Variants in ZBED6 observed in about 807,000 individuals in gnomAD.
The protein encoded by ZBED6 is zinc finger BED-type containing 6.
A neutral mutation model predicts 58.4 loss-of-function variants in ZBED6; 40 were observed. The observed-to-expected ratio is 0.68, with a 90% CI of 0.53 to 0.89. ZBED6 has a LOEUF of 0.89. Among genes scored for constraint, ZBED6 ranks in the 40% least tolerant of loss-of-function variants. The probability of loss-of-function intolerance (pLI) is 0.00; values close to 1 mark genes in which losing one functional copy is unlikely to be tolerated. For synonymous variants in ZBED6, 439 were observed against 350.6 expected, an observed-to-expected ratio of 1.25 and a Z score of -2.82; for missense variants, 1,057 against 1,003.9, an observed-to-expected ratio of 1.05 and a Z score of -0.71.
At position 203,799,692 on chromosome 1, in the gene ZBED6, C is replaced by T. The variant is rs1350671875; in HGVS notation, c.2170C>T (p.Gln724Ter). 1.4e-6 allele frequency: 1 copy of T among 712,260 alleles called. No homozygotes were observed. The highest frequency in any genetic ancestry group is 2.5e-6 in the Non-Finnish European group (1 of 393,770). The allele number at this position is 712,260 out of a possible 1,614,324, so 44.1% of individuals were successfully genotyped here. Residue 724 changes from glutamine (Q) to a stop codon, truncating the protein, a stop_gained, in exon 1 of 17, where the codon CAG becomes TAG. Coordinates refer to ENST00000550078, the Ensembl canonical transcript of ZBED6. LOFTEE classifies it high-confidence loss of function. ...AATCCATCATCTACTCCTTTCCCTG[C>T]AGAAACTCAGAGAAGATTTTCAAGT...
rs549703039 is a variant in ZBED6, at chr1:203,850,318, A to G, written c.*4639-197A>G. On this transcript the variant is annotated intron_variant, in intron 14 of 16. Coordinates refer to ENST00000550078, the Ensembl canonical transcript of ZBED6. ...AGGAATGGTAACAAATTTAAGTGGT[A>G]TTGTATCTACATGGTGACCACCTGT... 1.9e-5 allele frequency: 14 copies of G among 745,832 alleles called. No homozygotes were observed. The South Asian group carries it at 2.3e-4, about 12-fold the overall frequency. The allele number at this position is 745,832 out of a possible 1,614,324, so 46.2% of individuals were successfully genotyped here. A position where few individuals can be genotyped will look rare whatever the true frequency, so the allele number is the denominator to read the frequency against.
At chr1:203,839,365 G>T (rs369875288) in intron 10 of ZBED6, among the ~76,000 whole-genome samples, 1 of 152,160 alleles carries the variant, frequency 6.6e-6, no homozygotes, top group Admixed American at 6.5e-5. Context: ...CTTTATAGTT[G>T]AAGGAGAGCA....
At chr1:203,830,925 ATTTTTTTTTTTTTTTTTTTT>A (rs774771270) in intron 7 of ZBED6, among the ~76,000 whole-genome samples, 13 of 51,384 alleles carry the variant, frequency 2.5e-4, no homozygotes, top group South Asian at 8.7e-4. Context: ...CCAACCCCCA[ATTTTTTTTTTTTTTTTTTTT>A]TTTTTTTTTT....
chr1:203,846,349 A>G (rs933716471), intron 11 of ZBED6, among the ~76,000 whole-genome samples: 1 of 152,160 alleles, frequency 6.6e-6, no homozygotes, highest in African/African-American at 2.4e-5. Flanking sequence ...AGAACGATTA[A>G]TGTATCATTG....
chr1:203,820,896 C>T (rs1273902923), intron 3 of ZBED6, among the ~76,000 whole-genome samples: 1 of 152,112 alleles, frequency 6.6e-6, no homozygotes, highest in African/African-American at 2.4e-5. Context: ...ATTATAAAGG[C>T]TTTCTTTTTG....
exon 1 of ZBED6, chr1:203,795,875 C>T (rs973212388): frequency 1.3e-5 from 2 of 151,800 alleles, no homozygotes; most frequent in African/African-American, 4.8e-5. Context: ...TGGCAGCGGC[C>T]TCCCCTCGCC....
intron 2 of ZBED6, among the ~76,000 whole-genome samples, chr1:203,817,719 T>TA (rs1177121839): frequency 1.3e-5 from 2 of 152,012 alleles, no homozygotes; most frequent in Non-Finnish European, 1.5e-5. Context: ...ACGTATATGT[T>TA]AAAAAAATTT....
At chr1:203,833,562 A>G (rs377220190) in intron 8 of ZBED6, among the ~76,000 whole-genome samples, 66 of 148,966 alleles carry the variant, frequency 4.4e-4, no homozygotes, top group African/African-American at 1.6e-3. Context: ...AATTAGTACT[A>G]TGCTATTGCT....
intron 3 of ZBED6, among the ~76,000 whole-genome samples, chr1:203,819,732 C>T (rs192003739): frequency 4.1e-4 from 61 of 150,018 alleles, no homozygotes; most frequent in Admixed American, 3.5e-3. Flanking sequence ...TGGGGTTTTG[C>T]CATGCTGGTC....
exon 5 of ZBED6, chr1:203,829,588 A>G (rs747574827): frequency 3.7e-6 from 6 of 1,614,030 alleles, no homozygotes; most frequent in Non-Finnish European, 2.5e-6. Context: ...AAGTTCCGAA[A>G]ATGTTCCTAG....
intron 2 of ZBED6, among the ~76,000 whole-genome samples, chr1:203,817,499 A>T (rs577232656): frequency 6.6e-6 from 1 of 151,102 alleles, no homozygotes; most frequent in South Asian, 2.1e-4. Flanking sequence ...ATTGTGTTGT[A>T]CTTCCAGAAA....
intron 11 of ZBED6, among the ~76,000 whole-genome samples, chr1:203,842,084 C>T (rs553390156): frequency 1.9e-4 from 29 of 150,390 alleles, no homozygotes; most frequent in African/African-American, 5.6e-4. Context: ...GACGGGATGG[C>T]GGCTGGGAAG....
exon 17 of ZBED6, chr1:203,853,175 C>T (rs1689618194): frequency 6.6e-6 from 1 of 151,464 alleles, no homozygotes; most frequent in African/African-American, 2.4e-5. Context: ...GAAAATTGTC[C>T]TTTTTCTTCT....
intron 3 of ZBED6, among the ~76,000 whole-genome samples, chr1:203,826,178 A>T (rs1362334741): frequency 1.3e-5 from 2 of 152,194 alleles, no homozygotes; most frequent in Non-Finnish European, 2.9e-5. Flanking sequence ...CGGGTGTGAC[A>T]GAGGACTAAT....
chr1:203,818,712 C>T (rs1677186353), intron 3 of ZBED6, 23 bp downstream of exon 3: 1 of 1,613,610 alleles, frequency 6.2e-7, no homozygotes, highest in Non-Finnish European at 8.5e-7. Context: ...TTTCCGTTAT[C>T]ATAATAAGTA....
chr1:203,850,207 G>A (rs1437429240), intron 14 of ZBED6, 181 bp downstream of exon 14: 2 of 681,306 alleles, frequency 2.9e-6, no homozygotes, highest in East Asian at 5.5e-5. Flanking sequence ...TCTTTTCTCA[G>A]AATTTAAAAT....
chr1:203,838,616 G>A lies in ZBED6; in HGVS notation c.*3672+552G>A, dbSNP rs138378031. Reference sequence around the variant, plus strand: ...ATAATATAGTCTTTAAGCCATGTTAGAAAGTTTGGACTTATTCTAAGATAG... The same window carrying A: ...ATAATATAGTCTTTAAGCCATGTTAAAAAGTTTGGACTTATTCTAAGATAG... On this transcript the variant is annotated intron_variant, in intron 10 of 16. Transcript: ENST00000550078. Among the ~76,000 whole-genome samples, 657 of 152,256 alleles carry A rather than the reference G, an allele frequency of 4.3e-3. 7 individuals carry two copies. Among genetic ancestry groups the A allele is most frequent in the African/African-American group, 0.015 (626 of 41,548 alleles).
chr1:203,810,812 C>G (rs1304229742), intron 1 of ZBED6, among the ~76,000 whole-genome samples: 1 of 152,020 alleles, frequency 6.6e-6, no homozygotes, highest in African/African-American at 2.4e-5. Context: ...CTCTGCCCAA[C>G]TTTGAGGGCT....
chr1:203,799,242 A>G (rs1460729650), exon 1 of ZBED6: 1 of 844,716 alleles, frequency 1.2e-6, no homozygotes, highest in Non-Finnish European at 1.9e-6. Flanking sequence ...ACATGCAATC[A>G]AAGATGGTGG....
Sources: allele counts gnomAD v4.1 joint callset (sites outside exome capture counted in the v4.1 genomes callset), GRCh38; gene constraint gnomAD v4.1.1; transcripts MANE v1.5; gene names NCBI Gene and HGNC (gene_info 2026-07-23, HGNC 2026-07-21).